The following ACRV1 variants were observed in gnomAD, a reference collection of about 807,000 sequenced individuals.
The protein encoded by ACRV1 is acrosomal vesicle protein 1, also known as acrosomal protein SP-10.
Under a neutral mutation model 29.2 loss-of-function variants are expected in ACRV1, and 17 were observed. The ratio of observed to expected loss-of-function variants is 0.58; its 90% confidence interval spans 0.40 to 0.87. The LOEUF is 0.87. Ranked by LOEUF, ACRV1 falls within the 40% of genes least tolerant of loss-of-function variation. ACRV1 has a pLI of 0.00. For synonymous variants in ACRV1, 98 were observed against 111.6 expected, an observed-to-expected ratio of 0.88 and a Z score of 0.77; for missense variants, 294 against 316.0, an observed-to-expected ratio of 0.93 and a Z score of 0.53.
At chr11:125,674,584 C>A (rs1942392578) in intron 3 of ACRV1, among the ~76,000 whole-genome samples, 2 of 152,130 alleles carry the variant, frequency 1.3e-5, no homozygotes, top group African/African-American at 4.8e-5. Flanking sequence ...CTCCTATTAC[C>A]TTTTACTGAA....
Position 125,672,752 on chromosome 11 carries a change from G to C in ACRV1, c.674-35C>G, listed in dbSNP as rs748174540. 2.5e-6 allele frequency: 4 copies of C among 1,612,044 alleles called. No homozygotes were observed. The East Asian group carries it at 8.9e-5, about 36-fold the overall frequency. On this transcript the variant is annotated intron_variant, in intron 3 of 3. Coordinates refer to ENST00000533904, the MANE Select transcript of ACRV1 (RefSeq NM_001612.6). ...GCAGAGACAGACTAGTGAGCAGAAAGCTTCGTCCTCCAACCTTAGCCTTTA... is the reference window on the plus strand; with the variant it reads ...GCAGAGACAGACTAGTGAGCAGAAACCTTCGTCCTCCAACCTTAGCCTTTA...
intron 1 of ACRV1, among the ~76,000 whole-genome samples, chr11:125,679,922 A>G (rs1358236893): frequency 6.6e-6 from 1 of 152,222 alleles, no homozygotes; most frequent in Non-Finnish European, 1.5e-5. Flanking sequence ...CTGGTTTTTC[A>G]ATAATTAACA....
At chr11:125,672,787 C>T in intron 3 of ACRV1, 70 bp from the exon 4 acceptor site, 1 of 1,582,456 alleles carries the variant, frequency 6.3e-7, no homozygotes, top group Non-Finnish European at 8.6e-7. Context: ...ATCTGTGATG[C>T]TCAGTGTCTC....
At chr11:125,678,978 T>TTTTATATATATATATATATA (rs1555078664) in intron 1 of ACRV1, among the ~76,000 whole-genome samples, 6 of 88,444 alleles carry the variant, frequency 6.8e-5, no homozygotes, top group South Asian at 4.5e-4. Flanking sequence ...TCTAGGCATA[T>TTTTATATATATATATATATA]TATATATATA....
rs1942608167 is a variant in ACRV1 at position 125,678,011 on chromosome 11, C to G, written c.339G>C (p.Gln113His). 1 of 1,614,084 alleles carries G rather than the reference C, an allele frequency of 6.2e-7. No homozygotes were observed. Among genetic ancestry groups the G allele is most frequent in the African/African-American group, 1.3e-5 (1 of 75,038 alleles). ...CACCTGAAGGCTGTTCTCCTGAAGG[C>G]TGCTCACCTACAGTATGCTCACCTT... The part of the protein sequence containing the change: ...HAEGEHTVGE[Q>H]PSGEQPSGEH... Residue 113 changes from glutamine (Q) to histidine (H), a missense_variant, in exon 2 of 4, where the codon CAG becomes CAC. Transcript: ENST00000533904.
intron 3 of ACRV1, among the ~76,000 whole-genome samples, chr11:125,675,462 T>C (rs2134115764): frequency 6.6e-6 from 1 of 152,336 alleles, no homozygotes; most frequent in African/African-American, 2.4e-5. Flanking sequence ...TGGATGAATG[T>C]CTGCATGTAG....
rs77913417 is a variant in ACRV1, at chr11:125,675,394, A to G, written c.673+965T>C. Among the ~76,000 whole-genome samples, 4 of 152,250 alleles carry G rather than the reference A, an allele frequency of 2.6e-5. No individual in the cohort carries two copies. In the East Asian group the frequency reaches 7.7e-4, roughly 29 times the overall value. On this transcript the variant is annotated intron_variant, in intron 3 of 3. Coordinates refer to ENST00000533904, the MANE Select transcript of ACRV1 (RefSeq NM_001612.6). The stretch of plus-strand genomic sequence containing the variant: ...CATAATCTCTTTGTACACAGTTTAT[A>G]TTTGAGTCATCTTTCTGTAGTTCAT...
chr11:125,674,406 A>C (rs982079003), intron 3 of ACRV1, among the ~76,000 whole-genome samples: 6 of 152,240 alleles, frequency 3.9e-5, no homozygotes, highest in African/African-American at 1.4e-4. Context: ...TCGATTAGAA[A>C]GGAAAGAGGA....
chr11:125,680,140 A>G (rs1157947653), intron 1 of ACRV1, among the ~76,000 whole-genome samples: 1 of 152,200 alleles, frequency 6.6e-6, no homozygotes, highest in Non-Finnish European at 1.5e-5. Context: ...TAGAAAATAC[A>G]TTGTTTTTTC....
intron 1 of ACRV1, among the ~76,000 whole-genome samples, chr11:125,680,426 T>C (rs1406918622): frequency 6.6e-5 from 10 of 152,222 alleles, no homozygotes; most frequent in Admixed American, 4.6e-4. Context: ...CAAACCTTCA[T>C]TGGGCTTCTA....
chr11:125,676,937 CCTT>C (rs772732687), intron 2 of ACRV1, among the ~76,000 whole-genome samples: 69 of 152,070 alleles, frequency 4.5e-4, no homozygotes, highest in Non-Finnish European at 8.2e-4. Flanking sequence ...AAGAGTGTGT[CCTT>C]CTCCATTTTC....
intron 2 of ACRV1, 87 bp downstream of exon 2, chr11:125,677,710 A>G: frequency 2.6e-6 from 4 of 1,537,238 alleles, no homozygotes; most frequent in Non-Finnish European, 3.5e-6. Flanking sequence ...TTTCTTCTGC[A>G]CTCCTTCCCT....
intron 1 of ACRV1, among the ~76,000 whole-genome samples, chr11:125,679,793 A>G (rs562323584): frequency 6.6e-6 from 1 of 152,358 alleles, no homozygotes; most frequent in African/African-American, 2.4e-5. Flanking sequence ...AGTACTTACA[A>G]TCAGTGACTT....
At chr11:125,674,639 C>T (rs1942395407) in intron 3 of ACRV1, among the ~76,000 whole-genome samples, 1 of 152,190 alleles carries the variant, frequency 6.6e-6, no homozygotes, top group African/African-American at 2.4e-5. Flanking sequence ...TCCACTGTAA[C>T]TTGCTTCTAA....
Position 125,678,023 on chromosome 11 carries a change from A to C in ACRV1, c.327T>G (p.Thr109=), listed in dbSNP as rs959644138. Residue 109 remains threonine, a synonymous_variant, in exon 2 of 4, where the codon ACT becomes ACG. Coordinates refer to ENST00000533904, the MANE Select transcript of ACRV1 (RefSeq NM_001612.6). ...GTTCTCCTGAAGGCTGCTCACCTACAGTATGCTCACCTTCAGCATGTTCAG... is the reference window on the plus strand; with the variant it reads ...GTTCTCCTGAAGGCTGCTCACCTACCGTATGCTCACCTTCAGCATGTTCAG... The part of the protein sequence containing the change: ...AATEHAEGEH[T]VGEQPSGEQP... 1 of 1,614,054 alleles carries C rather than the reference A, an allele frequency of 6.2e-7. No individual in the cohort carries two copies. The highest frequency in any genetic ancestry group is 8.5e-7 in the Non-Finnish European group (1 of 1,180,028).
intron 1 of ACRV1, 102 bp downstream of exon 1, chr11:125,680,627 T>G: frequency 2.9e-6 from 3 of 1,020,846 alleles, no homozygotes; most frequent in Non-Finnish European, 3.0e-6. Flanking sequence ...CTGACTCAGA[T>G]TGGTTTGGGT....
At chr11:125,674,065 C>T (rs551406743) in intron 3 of ACRV1, among the ~76,000 whole-genome samples, 5 of 152,080 alleles carry the variant, frequency 3.3e-5, no homozygotes, top group South Asian at 4.2e-4. Context: ...GCAGGAGAAT[C>T]GCTGGGGGGC....
intron 2 of ACRV1, 29 bp downstream of exon 2, chr11:125,677,768 T>C: frequency 6.2e-7 from 1 of 1,608,240 alleles, no homozygotes; most frequent in Non-Finnish European, 8.5e-7. Context: ...CTGAAGTCAA[T>C]GACTGGCACC....
In ACRV1 at chr11:125,671,888, T is replaced by C. The variant is rs1001284945; in HGVS notation, c.*705A>G. 3 of 152,230 alleles carry C rather than the reference T, an allele frequency of 2.0e-5. No individual in the cohort carries two copies. The highest frequency in any genetic ancestry group is 7.2e-5 in the African/African-American group (3 of 41,462). The allele number at this position is 152,230 out of a possible 1,614,324, so 9.4% of individuals were successfully genotyped here. On this transcript the variant is annotated 3_prime_UTR_variant, in exon 4 of 4. Transcript: ENST00000533904. Reference sequence around the variant, plus strand: ...CATAACACTTATATGAGGGACCGTTTAGTATTTCCATTTGCCCTCCTATCC... The same window carrying C: ...CATAACACTTATATGAGGGACCGTTCAGTATTTCCATTTGCCCTCCTATCC...
Sources: gnomAD v4.1 joint callset for allele counts (sites outside exome capture counted in the v4.1 genomes callset) on GRCh38, gnomAD v4.1.1 for gene constraint, MANE v1.5 for transcripts, NCBI Gene and HGNC (gene_info 2026-07-23, HGNC 2026-07-21) for gene names.